Variants in KDR observed in about 807,000 individuals in gnomAD.
KDR encodes kinase insert domain receptor, also known as vascular endothelial growth factor receptor 2.
KDR carries 43 observed loss-of-function variants against 160.9 expected under a neutral mutation model. That is an observed-to-expected ratio of 0.27 (90% CI 0.21 to 0.34). The LOEUF is 0.34. KDR is among the 10% of genes least tolerant of loss of function. KDR has a pLI of 1.00. For missense variants in KDR, 1,469 were observed against 1,666.4 expected (o/e 0.88, Z 2.06); for synonymous variants, 617 against 600.1 (o/e 1.03, Z -0.41).
At position 55,079,591 on chromosome 4, in the gene KDR, G is replaced by A. The variant is rs1719676909; in HGVS notation, c.*350C>T. On this transcript the variant is annotated 3_prime_UTR_variant, in exon 30 of 30. Coordinates refer to ENST00000263923, the MANE Select transcript of KDR (RefSeq NM_002253.4). ...TGGTTTATCTTCTAGTTTTACAGAA[G>A]TGTCAGCTCCCCAGGTACTGCTACT... 4 of 406,560 alleles carry A rather than the reference G, an allele frequency of 9.8e-6. No homozygotes were observed. The highest frequency in any genetic ancestry group is 7.4e-5 in the Admixed American group (2 of 27,104). The allele number at this position is 406,560 out of a possible 1,614,324, so 25.2% of individuals were successfully genotyped here. A position where few individuals can be genotyped will look rare whatever the true frequency, so the allele number is the denominator to read the frequency against.
At chr4:55,103,360 G>A (rs555727621) in intron 13 of KDR, among the ~76,000 whole-genome samples, 66 of 152,276 alleles carry the variant, frequency 4.3e-4, no homozygotes, top group African/African-American at 1.4e-3. Context: ...CCTCAACAGC[G>A]TACTACATTG....
rs1458003612 is a variant in KDR at position 55,096,289 on chromosome 4, T to C, written c.2668A>G (p.Ile890Val). The C allele has an allele frequency of 6.8e-6, 11 of 1,613,652 alleles. No individual in the cohort carries two copies. In the East Asian group the frequency reaches 2.5e-4, roughly 36 times the overall value. ...RALMSELKIL[I>V]HIGHHLNVVN... Reference sequence around the variant, plus strand: ...ACATTGAGATGGTGACCAATATGAATGAGGATCTTGAGTTCAGACATGAGA... The same window carrying C: ...ACATTGAGATGGTGACCAATATGAACGAGGATCTTGAGTTCAGACATGAGA... The change falls in exon 19 of 30, where the codon ATT becomes GTT. Residue 890 changes from isoleucine (I) to valine (V), a missense_variant. By Grantham distance (29) the Ile-to-Val change is conservative (BLOSUM62 3). Around this residue, in one of 7 missense-constraint regions of KDR, gnomAD observed 151 missense variants for 207.2 expected, o/e 0.73. Transcript: ENST00000263923.
rs997258862 is a variant in KDR, at chr4:55,110,592, A to C, written c.1092-26T>G. 1.9e-6 allele frequency: 3 copies of C among 1,613,072 alleles called. No individual in the cohort carries two copies. In the Admixed American group the frequency reaches 5.0e-5, roughly 27 times the overall value. ...CTATGAAAAAAAATTCTCAGGAATTAGTATAGTCAAAGGATTTGCTCTCAC... is the reference window on the plus strand; with the variant it reads ...CTATGAAAAAAAATTCTCAGGAATTCGTATAGTCAAAGGATTTGCTCTCAC... On this transcript the variant is annotated intron_variant, in intron 8 of 29. Coordinates refer to ENST00000263923, the MANE Select transcript of KDR (RefSeq NM_002253.4).
At chr4:55,115,214 T>A (rs1447240100) in intron 4 of KDR, 67 bp downstream of exon 4, 1 of 1,383,284 alleles carries the variant, frequency 7.2e-7, no homozygotes, top group East Asian at 2.3e-5. Context: ...TATAAACAGG[T>A]TACCCATCTT....
Position 55,121,206 on chromosome 4 carries a change from A to G in KDR, c.68-16T>C, listed in dbSNP as rs576450734. The G allele has an allele frequency of 6.3e-7, 1 of 1,593,110 alleles. No homozygotes were observed. Among genetic ancestry groups the G allele is most frequent in the African/African-American group, 1.3e-5 (1 of 74,626 alleles). On this transcript the variant is annotated splice_polypyrimidine_tract_variant and intron_variant, in intron 1 of 29. Coordinates refer to ENST00000263923, the MANE Select transcript of KDR (RefSeq NM_002253.4). ...CTAGGCAAACCTAGAAACAAATTAA[A>G]TAAATGAATGTAGTTGCCACTGAGT...
chr4:55,111,065 C>T (rs920377789), intron 7 of KDR, among the ~76,000 whole-genome samples: 1 of 152,106 alleles, frequency 6.6e-6, no homozygotes, highest in African/African-American at 2.4e-5. Flanking sequence ...TCTCTAAGTC[C>T]CCCAGGGATG....
intron 18 of KDR, 99 bp from the exon 19 acceptor site, chr4:55,096,441 C>T (rs1352894896): frequency 2.4e-5 from 19 of 788,174 alleles, no homozygotes; most frequent in East Asian, 1.0e-4. Flanking sequence ...ACTTACCCTC[C>T]GGGGTAACAC....
chr4:55,089,593 G>A (rs138798422), intron 24 of KDR, 98 bp downstream of exon 24: 1 of 1,361,178 alleles, frequency 7.3e-7, no homozygotes, highest in South Asian at 1.2e-5. Flanking sequence ...AAGCTTCCGA[G>A]AAGTTTTGCC....
chr4:55,107,766 C>T lies in KDR; in HGVS notation c.1383G>A (p.Gln461=), dbSNP rs758342570. Residue 461 remains glutamine (Q), a synonymous_variant, in exon 10 of 30, where the codon CAG becomes CAA. Transcript: ENST00000263923. ...GCTCGTTGGCGCACTCTTCCTCCAA[C>T]TGCCAATACCAGTGGATGTGATGCG... is the stretch of plus-strand genomic sequence containing the variant. ...PPPHHIHWYW[Q]LEEECANEPS... is the part of the protein sequence containing the mutation. 1.9e-5 allele frequency: 31 copies of T among 1,613,990 alleles called. No individual in the cohort carries two copies. Among genetic ancestry groups the T allele is most frequent in the Non-Finnish European group, 2.5e-5 (30 of 1,179,904 alleles).
chr4:55,087,895 A>G, intron 26 of KDR, 137 bp from the exon 27 acceptor site: 1 of 805,118 alleles, frequency 1.2e-6, no homozygotes, highest in Admixed American at 1.9e-5. Flanking sequence ...ACTTTAAGAC[A>G]ACAATACAAA....
At chr4:55,105,197 C>T (rs959411787) in intron 12 of KDR, among the ~76,000 whole-genome samples, 1 of 152,028 alleles carries the variant, frequency 6.6e-6, no homozygotes, top group African/African-American at 2.4e-5. Flanking sequence ...AAACGAATTC[C>T]TCAGATATTT....
chr4:55,118,066 T>C (rs1281600757), intron 3 of KDR, among the ~76,000 whole-genome samples: 2 of 152,184 alleles, frequency 1.3e-5, no homozygotes, highest in Non-Finnish European at 2.9e-5. Flanking sequence ...AACATTGTCC[T>C]GAAAAGAGTC....
rs772912254 is a variant in KDR at position 55,105,915 on chromosome 4, G to A, written c.1562C>T (p.Ala521Val). 43 of 1,612,946 alleles carry A rather than the reference G, an allele frequency of 2.7e-5. No homozygotes were observed. The highest frequency in any genetic ancestry group is 6.7e-5 in the African/African-American group (5 of 74,834). ...TTTGTACAAAGCTGACACATTTGCC[G>A]CTTGGATAACAAGGGTACTTACAGT... The part of the protein sequence containing the change: ...NKTVSTLVIQ[A>V]ANVSALYKCE... The change falls in exon 12 of 30, where the codon GCG (alanine) becomes GTG (valine). Residue 521 changes from alanine to valine, a missense_variant. By Grantham distance (64) the Ala-to-Val change is moderately conservative. Around this residue, in one of 7 missense-constraint regions of KDR, gnomAD observed 792 missense variants for 840.9 expected, o/e 0.94. Transcript: ENST00000263923.
chr4:55,089,054 T>A, intron 25 of KDR, 81 bp from the exon 26 acceptor site: 2 of 1,023,592 alleles, frequency 2.0e-6, no homozygotes, highest in Non-Finnish European at 3.0e-6. Flanking sequence ...GAGTACACAT[T>A]TGTAAAGAGC....
At chr4:55,080,290 C>T in intron 29 of KDR, 127 bp from the exon 30 acceptor site, 1 of 794,836 alleles carries the variant, frequency 1.3e-6, no homozygotes. Flanking sequence ...GTATCTCTCC[C>T]AGTTGTTAAT....
intron 26 of KDR, among the ~76,000 whole-genome samples, chr4:55,088,100 C>T (rs915396729): frequency 2.0e-5 from 3 of 152,176 alleles, no homozygotes; most frequent in Admixed American, 6.5e-5. Flanking sequence ...CCTAACCACA[C>T]GAGCCAAGCC....
At chr4:55,089,616 A>G in intron 24 of KDR, 75 bp downstream of exon 24, 2 of 1,402,712 alleles carry the variant, frequency 1.4e-6, no homozygotes, top group Non-Finnish European at 2.0e-6. Flanking sequence ...ATAGACATGA[A>G]GTACAGGAGA....
At position 55,078,678 on chromosome 4, in the gene KDR, C is replaced by T. The variant is rs939365805; in HGVS notation, c.*1263G>A. On this transcript the variant is annotated 3_prime_UTR_variant, in exon 30 of 30. Coordinates refer to ENST00000263923, the MANE Select transcript of KDR (RefSeq NM_002253.4). ...ATAGCATGTCTTATAGTCATTGTTC[C>T]CAGCATTTCACACTATGGTACCAAA... The T allele has an allele frequency of 5.2e-5, 12 of 232,332 alleles. No individual in the cohort carries two copies. The highest frequency in any genetic ancestry group is 9.3e-5 in the Non-Finnish European group (11 of 117,734). The allele number at this position is 232,332 out of a possible 1,614,324, so 14.4% of individuals were successfully genotyped here.
At chr4:55,083,296 CAGAAACTTG>C (rs540005757) in intron 27 of KDR, among the ~76,000 whole-genome samples, 218 of 152,248 alleles carry the variant, frequency 1.4e-3, no homozygotes, top group African/African-American at 4.6e-3. Flanking sequence ...CCACTGACTG[CAGAAACTTG>C]AGAAAGTCAT....
Sources: allele counts gnomAD v4.1 joint callset (sites outside exome capture counted in the v4.1 genomes callset), GRCh38; gene constraint gnomAD v4.1.1; regional missense constraint gnomAD v4.1.1; transcripts MANE v1.5; gene names NCBI Gene and HGNC (gene_info 2026-07-23, HGNC 2026-07-21).